The following ROBO2 variants were observed in gnomAD, a reference collection of about 807,000 sequenced individuals.
The protein encoded by ROBO2 is roundabout homolog 2.
ROBO2 carries 53 observed loss-of-function variants against 160.8 expected under a neutral mutation model. The observed-to-expected ratio is 0.33, with a 90% CI of 0.26 to 0.41. ROBO2 has a LOEUF of 0.41. Among genes scored for constraint, ROBO2 ranks in the 10% least tolerant of loss-of-function variants. The pLI is 1.00. For missense variants in ROBO2, 1,577 were observed against 1,722.4 expected (o/e 0.92, Z 1.49); for synonymous variants, 664 against 611.7 (o/e 1.09, Z -1.26).
Position 76,283,295 on chromosome 3 carries a change from G to A in ROBO2, c.109+345693G>A, listed in dbSNP as rs1189817999. 4.6e-5 allele frequency among the ~76,000 whole-genome samples: 7 copies of A among 150,874 alleles called. No homozygotes were observed. In the Admixed American group the frequency reaches 4.7e-4, roughly 10 times the overall value. On this transcript the variant is annotated intron_variant, in intron 2 of 26. Transcript: ENST00000487694. ...AGAAGTGTATTAAGGAACCGATGAAGTTTCTTACCCACCTATTTAAAGTTT... is the reference window on the plus strand; with the variant it reads ...AGAAGTGTATTAAGGAACCGATGAAATTTCTTACCCACCTATTTAAAGTTT...
At chr3:77,238,833 C>T (rs1322122730) in intron 2 of ROBO2, among the ~76,000 whole-genome samples, 5 of 152,096 alleles carry the variant, frequency 3.3e-5, no homozygotes, top group African/African-American at 4.8e-5. Context: ...ATCATAGTGA[C>T]GTAGATGTTT....
At chr3:75,956,239 T>A (rs1371347066) in intron 2 of ROBO2, among the ~76,000 whole-genome samples, 1 of 151,784 alleles carries the variant, frequency 6.6e-6, no homozygotes, top group African/African-American at 2.4e-5. Context: ...TGGCTTCCAA[T>A]CTCTAAATCA....
intron 2 of ROBO2, among the ~76,000 whole-genome samples, chr3:76,361,194 A>G (rs1401981537): frequency 6.6e-6 from 1 of 152,072 alleles, no homozygotes; most frequent in Admixed American, 6.6e-5. Flanking sequence ...AGTGCACTTG[A>G]GTGTTTTATC....
intron 2 of ROBO2, among the ~76,000 whole-genome samples, chr3:76,915,693 A>T (rs899224350): frequency 2.6e-4 from 40 of 152,022 alleles, no homozygotes; most frequent in Middle Eastern, 3.4e-3. Context: ...AAAAAGAAAA[A>T]AAAAGAGTGA....
At chr3:77,347,586 A>G (rs1027640291) in intron 2 of ROBO2, among the ~76,000 whole-genome samples, 1 of 152,044 alleles carries the variant, frequency 6.6e-6, no homozygotes. Flanking sequence ...TCTAAAATTC[A>G]GCTCCTTTTC....
intron 2 of ROBO2, among the ~76,000 whole-genome samples, chr3:75,953,862 A>G (rs1948636506): frequency 6.6e-6 from 1 of 151,864 alleles, no homozygotes; most frequent in African/African-American, 2.4e-5. Flanking sequence ...TTATCAAATC[A>G]CCTTAGTTTT....
intron 2 of ROBO2, among the ~76,000 whole-genome samples, chr3:76,498,348 T>A (rs779862389): frequency 6.6e-6 from 1 of 152,042 alleles, no homozygotes. Flanking sequence ...TACAAAACTT[T>A]AGTTAGATAG....
chr3:77,072,145 C>A (rs181900739), intron 1 of ROBO2, among the ~76,000 whole-genome samples: 1 of 152,170 alleles, frequency 6.6e-6, no homozygotes, highest in East Asian at 1.9e-4. Context: ...ACTGTGCATT[C>A]GAGGGCTCTG....
rs532690573 is a variant in ROBO2, at chr3:76,070,803, G to A, written c.109+133201G>A. Among the ~76,000 whole-genome samples the A allele has an allele frequency of 2.4e-4, 37 of 152,096 alleles. 1 individual carries two copies. The highest frequency in any genetic ancestry group is 8.4e-4 in the African/African-American group (35 of 41,508). On this transcript the variant is annotated intron_variant, in intron 2 of 26. Transcript: ENST00000487694. The stretch of plus-strand genomic sequence containing the variant: ...TGTCCCTTTATTTCTCAAGCCGGCC[G>A]GCACTTAGGGAAAATAGAAAAGAAC...
Position 76,016,507 on chromosome 3 carries a change from G to C in ROBO2, c.109+78905G>C, listed in dbSNP as rs182278741. Among the ~76,000 whole-genome samples the C allele has an allele frequency of 7.9e-5, 12 of 151,882 alleles. No homozygotes were observed. The East Asian group carries it at 2.1e-3, about 27-fold the overall frequency. ...TCAGACAGTTATTTGAAGCCTGTCT[G>C]CTTTTTTTGGTAAAGATACTTTAAA... On this transcript the variant is annotated intron_variant, in intron 2 of 26. Transcript: ENST00000487694.
chr3:76,698,963 G>T (rs1036976383), intron 2 of ROBO2, among the ~76,000 whole-genome samples: 1 of 152,122 alleles, frequency 6.6e-6, no homozygotes, highest in Non-Finnish European at 1.5e-5. Context: ...TTTTTTAAAA[G>T]TATGTAACAT....
intron 2 of ROBO2, among the ~76,000 whole-genome samples, chr3:77,285,590 G>T (rs1395723325): frequency 1.3e-5 from 2 of 152,074 alleles, no homozygotes; most frequent in African/African-American, 4.8e-5. Flanking sequence ...TAAATCCTAT[G>T]ATCTCCACTT....
chr3:77,220,310 G>A lies in ROBO2; in HGVS notation c.388+121970G>A, dbSNP rs568819308. ...CAGGCATGAGCCACTGCGCCTGGCC[G>A]AGAAAACATACTATAGCTTTTCACA... On this transcript the variant is annotated intron_variant, in intron 2 of 25. Transcript: ENST00000461745. Among the ~76,000 whole-genome samples the A allele has an allele frequency of 3.9e-5, 6 of 152,060 alleles. No homozygotes were observed. In the East Asian group the frequency reaches 5.8e-4, roughly 15 times the overall value.
intron 1 of ROBO2, among the ~76,000 whole-genome samples, chr3:77,055,153 A>AT (rs953096464): frequency 1.6e-4 from 24 of 152,012 alleles, no homozygotes; most frequent in Non-Finnish European, 3.2e-4. Flanking sequence ...TTTACAGTTA[A>AT]TTTTTTAAAG....
intron 2 of ROBO2, among the ~76,000 whole-genome samples, chr3:76,562,468 C>A (rs2084249365): frequency 6.8e-6 from 1 of 147,658 alleles, no homozygotes. Context: ...TCTCTCTCAA[C>A]CTTTTCCATT....
intron 2 of ROBO2, among the ~76,000 whole-genome samples, chr3:76,237,324 T>A (rs1049515508): frequency 5.3e-5 from 8 of 152,206 alleles, no homozygotes; most frequent in Non-Finnish European, 8.8e-5. Flanking sequence ...TAATCATTAA[T>A]GGTTTTGTTT....
chr3:77,445,940 C>T (rs1039386402), intron 2 of ROBO2, among the ~76,000 whole-genome samples: 2 of 151,642 alleles, frequency 1.3e-5, no homozygotes, highest in African/African-American at 2.4e-5. Context: ...GGGTCTGTAA[C>T]TCCAATTACC....
At chr3:77,563,088 G>GTA (rs1230960014) in intron 10 of ROBO2, 79 bp from the exon 12 acceptor site, 2 of 1,396,176 alleles carry the variant, frequency 1.4e-6, no homozygotes, top group African/African-American at 2.8e-5. Flanking sequence ...AGGTCCTTTA[G>GTA]TAGACTGCTT....
chr3:77,208,829 G>A (rs1341403717), intron 2 of ROBO2, among the ~76,000 whole-genome samples: 1 of 152,164 alleles, frequency 6.6e-6, no homozygotes, highest in African/African-American at 2.4e-5. Flanking sequence ...CAGAAGATGA[G>A]TTCAGAGAGA....
Sources: gnomAD v4.1 joint callset for allele counts (sites outside exome capture counted in the v4.1 genomes callset) on GRCh38, gnomAD v4.1.1 for gene constraint, MANE v1.5 for transcripts, NCBI Gene and HGNC (gene_info 2026-07-23, HGNC 2026-07-21) for gene names.